The following LRRK1 variants were observed in gnomAD, a reference collection of about 807,000 sequenced individuals.
LRRK1 encodes leucine rich repeat kinase 1.
LRRK1 carries 113 observed loss-of-function variants against 209.1 expected under a neutral mutation model. The observed-to-expected ratio is 0.54, with a 90% CI of 0.46 to 0.63. LRRK1 has a LOEUF of 0.63. Among genes scored for constraint, LRRK1 ranks in the 30% least tolerant of loss-of-function variants. The probability of loss-of-function intolerance (pLI) is 0.00; values close to 1 mark genes in which losing one functional copy is unlikely to be tolerated. For synonymous variants in LRRK1, 1,144 were observed against 1,099.7 expected (o/e 1.04, Z -0.80); for missense variants, 2,284 against 2,632.2 (o/e 0.87, Z 2.89).
intron 2 of LRRK1, among the ~76,000 whole-genome samples, chr15:100,929,887 T>C (rs1299213999): frequency 6.6e-6 from 1 of 152,230 alleles, no homozygotes; most frequent in Non-Finnish European, 1.5e-5. Context: ...GTGGCCCAGG[T>C]GGCAGGCGAG....
At chr15:100,967,271 A>T (rs2030524683) in intron 2 of LRRK1, among the ~76,000 whole-genome samples, 1 of 152,212 alleles carries the variant, frequency 6.6e-6, no homozygotes. Flanking sequence ...ATAACCGCTT[A>T]CACACCAAGC....
intron 2 of LRRK1, among the ~76,000 whole-genome samples, chr15:100,972,300 T>G (rs1032989580): frequency 8.7e-5 from 13 of 148,716 alleles, no homozygotes; most frequent in African/African-American, 3.0e-4. Context: ...TCTTGGGATA[T>G]AAGAATTGTA....
intron 2 of LRRK1, among the ~76,000 whole-genome samples, chr15:100,926,507 T>C (rs2042113007): frequency 6.7e-6 from 1 of 150,034 alleles, no homozygotes; most frequent in South Asian, 2.2e-4. Flanking sequence ...AAAGGAGTGC[T>C]TCTCAACCAC....
At chr15:101,050,459 T>C (rs574107700) in intron 23 of LRRK1, among the ~76,000 whole-genome samples, 3 of 151,854 alleles carry the variant, frequency 2.0e-5, no homozygotes, top group Admixed American at 2.0e-4. Flanking sequence ...TGGGAGGGGC[T>C]GCCCTGAGAG....
chr15:100,997,068 T>TTA lies in LRRK1; in HGVS notation c.762+7672_762+7673dup, dbSNP rs200111018. On this transcript the variant is annotated intron_variant, in intron 6 of 33. Transcript: ENST00000388948. ...AGAATATGCATATCTATAGATATGA[T>TTA]TATTAATATAATCATATCTATAGAT... Among the ~76,000 whole-genome samples the TTA allele has an allele frequency of 6.8e-3, 982 of 143,916 alleles. 12 individuals carry two copies. The highest frequency in any genetic ancestry group is 0.024 in the African/African-American group (927 of 38,894). 94.4% of individuals were successfully genotyped at this position (143,916 alleles called of 152,430 possible).
At chr15:101,014,280 T>A (rs116526643) in intron 10 of LRRK1, 36 bp from the exon 11 acceptor site, 1 of 1,435,420 alleles carries the variant, frequency 7.0e-7, no homozygotes, top group African/African-American at 1.4e-5. Flanking sequence ...TATCTGATGC[T>A]ATCTTAGCTT....
rs970928277 is a variant in LRRK1, at chr15:101,073,878, G to T, written c.*5030G>T. ...CTTAAAACCTCTTCAACTCACACCT[G>T]ACCTAAAACCTAAATGCCTTATTTT... On this transcript the variant is annotated 3_prime_UTR_variant, in exon 34 of 34. Coordinates refer to ENST00000388948, the MANE Select transcript of LRRK1 (RefSeq NM_024652.6). The T allele has an allele frequency of 6.6e-6, 1 of 151,908 alleles. No individual in the cohort carries two copies. The highest frequency in any genetic ancestry group is 6.6e-5 in the Admixed American group (1 of 15,254). The allele number at this position is 151,908 out of a possible 1,614,324, so 9.4% of individuals were successfully genotyped here.
chr15:101,018,714 G>A (rs934711738), intron 12 of LRRK1, among the ~76,000 whole-genome samples: 2 of 152,208 alleles, frequency 1.3e-5, no homozygotes, highest in South Asian at 2.1e-4. Flanking sequence ...GCCATGTGAG[G>A]GGGCCGCGCC....
chr15:101,012,907 G>C (rs138049759), intron 10 of LRRK1, among the ~76,000 whole-genome samples: 55 of 152,220 alleles, frequency 3.6e-4, no homozygotes, highest in Non-Finnish European at 7.1e-4. Context: ...CCCCGGGGGG[G>C]GGTGGTCCCA....
At position 101,022,816 on chromosome 15, in the gene LRRK1, CT is replaced by C. The variant is rs11323145; in HGVS notation, c.2067+231del. On this transcript the variant is annotated intron_variant, in intron 15 of 33. Transcript: ENST00000388948. This position sits in a 1 kb window ranked among gnomAD's most constrained non-coding sequence, Gnocchi z 4.0. ...TGATGTTTTCTTTTTCTTTACTTTT[CT>C]TTTTTTTTTTTCTTGAGACAGGGTT... is the stretch of plus-strand genomic sequence containing the variant. Among the ~76,000 whole-genome samples, 11,721 of 146,694 alleles carry C rather than the reference CT, an allele frequency of 0.08. 1,499 individuals are homozygous for C. Among genetic ancestry groups the C allele is most frequent in the African/African-American group, 0.27 (10,755 of 40,256 alleles).
At chr15:100,926,955 G>A (rs1179512545) in intron 2 of LRRK1, among the ~76,000 whole-genome samples, 1 of 152,110 alleles carries the variant, frequency 6.6e-6, no homozygotes, top group African/African-American at 2.4e-5. Flanking sequence ...AAAGGGGTGG[G>A]ATTACAGGTG....
At chr15:100,955,459 C>A (rs2042733371) in intron 2 of LRRK1, among the ~76,000 whole-genome samples, 1 of 152,074 alleles carries the variant, frequency 6.6e-6, no homozygotes, top group Non-Finnish European at 1.5e-5. Flanking sequence ...GACCAATTGA[C>A]TTCTTCTTTT....
chr15:101,014,621 G>A (rs1397581381), intron 11 of LRRK1, among the ~76,000 whole-genome samples, 193 bp downstream of exon 11: 1 of 152,218 alleles, frequency 6.6e-6, no homozygotes, highest in Admixed American at 6.5e-5. Flanking sequence ...GGCCTGGTTG[G>A]TTTCTCCTGA....
chr15:101,034,479 C>A (rs1596302916), intron 20 of LRRK1, among the ~76,000 whole-genome samples: 1 of 152,082 alleles, frequency 6.6e-6, no homozygotes, highest in Admixed American at 6.5e-5. Flanking sequence ...TATGGATATC[C>A]AATTTTCCCA....
intron 6 of LRRK1, among the ~76,000 whole-genome samples, chr15:101,002,032 T>TG (rs2032719725): frequency 6.6e-6 from 1 of 152,242 alleles, no homozygotes; most frequent in Admixed American, 6.5e-5. Context: ...TGCCCTGGGC[T>TG]GGGGTGCCAG....
chr15:100,932,060 A>G (rs569472126), intron 2 of LRRK1, among the ~76,000 whole-genome samples: 10 of 152,106 alleles, frequency 6.6e-5, no homozygotes, highest in Non-Finnish European at 1.0e-4. Context: ...ACCTCGGCTC[A>G]CTGCAACCTC....
chr15:101,041,231 G>A (rs2034740846), intron 20 of LRRK1, among the ~76,000 whole-genome samples: 1 of 152,060 alleles, frequency 6.6e-6, no homozygotes, highest in African/African-American at 2.4e-5. Context: ...AGTTCTACCT[G>A]GGTTTTTTCC....
chr15:100,921,810 C>T (rs2042027001), intron 1 of LRRK1, among the ~76,000 whole-genome samples: 1 of 152,174 alleles, frequency 6.6e-6, no homozygotes, highest in Non-Finnish European at 1.5e-5. Flanking sequence ...TCCACCTCCC[C>T]CAGTTTAAGT....
rs142428670 is a variant in LRRK1 at position 100,962,328 on chromosome 15, G to A, written c.98-11476G>A. 5.8e-3 allele frequency among the ~76,000 whole-genome samples: 889 copies of A among 152,146 alleles called. 6 individuals are homozygous for A. Among genetic ancestry groups the A allele is most frequent in the Admixed American group, 8.6e-3 (131 of 15,290 alleles). On this transcript the variant is annotated intron_variant, in intron 2 of 33. Transcript: ENST00000388948. Reference sequence around the variant, plus strand: ...GTGGATCACTTGAGGTCAGGAGTTCGAGACCAGCCTGGCCAATGTGGCGAA... The same window carrying A: ...GTGGATCACTTGAGGTCAGGAGTTCAAGACCAGCCTGGCCAATGTGGCGAA...
Sources: allele counts gnomAD v4.1 joint callset (sites outside exome capture counted in the v4.1 genomes callset), GRCh38; gene constraint gnomAD v4.1.1; non-coding constraint Gnocchi (gnomAD v3.1); transcripts MANE v1.5; gene names NCBI Gene and HGNC (gene_info 2026-07-23, HGNC 2026-07-21).